Variants in DCDC2 observed in about 807,000 individuals in gnomAD.
DCDC2 encodes the protein doublecortin domain-containing protein 2.
In DCDC2, 40 loss-of-function variants were observed where a neutral mutation model predicts 50.2. The observed-to-expected ratio is 0.80, with a 90% CI of 0.62 to 1.04. The LOEUF (loss-of-function observed/expected upper bound fraction) is 1.04. DCDC2 is among the 50% of genes least tolerant of loss of function. The pLI is 0.00. For missense variants in DCDC2, 570 were observed against 581.9 expected (o/e 0.98, Z 0.21); for synonymous variants, 234 against 210.6 (o/e 1.11, Z -0.96).
chr6:24,234,281 T>A (rs530289227), intron 7 of DCDC2, among the ~76,000 whole-genome samples: 1 of 150,430 alleles, frequency 6.6e-6, no homozygotes, highest in African/African-American at 2.4e-5. Flanking sequence ...AGCCATTGAA[T>A]GTAGTGAGCG....
At chr6:24,346,262 G>A (rs1475878612) in intron 2 of DCDC2, among the ~76,000 whole-genome samples, 2 of 152,066 alleles carry the variant, frequency 1.3e-5, no homozygotes, top group African/African-American at 4.8e-5. Flanking sequence ...GAAATGTGGA[G>A]TAGGGGTAGT....
chr6:24,202,554 T>G (rs150549614), intron 8 of DCDC2, among the ~76,000 whole-genome samples: 23,244 of 152,174 alleles, frequency 0.15, 1,948 homozygotes, highest in Middle Eastern at 0.2. Context: ...CTGGAAGCAT[T>G]CCCTTTGAAA....
rs1004856774 is a variant in DCDC2, at chr6:24,258,275, CG to C, written c.922+19773del. 8.7e-4 allele frequency among the ~76,000 whole-genome samples: 133 copies of C among 152,156 alleles called. 1 individual carries two copies. Among genetic ancestry groups the C allele is most frequent in the African/African-American group, 3.1e-3 (130 of 41,552 alleles). ...GTGGGTTGCTGCTGCTGGCTGGGGG[CG>C]GGGGGTGGCCAGCTTTTATTCCCTT... On this transcript the variant is annotated intron_variant, in intron 7 of 9. Coordinates refer to ENST00000378454, the MANE Select transcript of DCDC2 (RefSeq NM_016356.5).
At chr6:24,342,177 C>T (rs954056910) in intron 2 of DCDC2, among the ~76,000 whole-genome samples, 1 of 152,176 alleles carries the variant, frequency 6.6e-6, no homozygotes, top group African/African-American at 2.4e-5. Flanking sequence ...ACTGAAACAT[C>T]TCTTTAGGTG....
chr6:24,225,448 T>C (rs56794891), intron 7 of DCDC2, among the ~76,000 whole-genome samples: 11,228 of 152,076 alleles, frequency 0.074, 698 homozygotes, highest in African/African-American at 0.18. Context: ...TATCTGCATA[T>C]ACATACTGAA....
chr6:24,370,082 A>T, the DCDC2 span, among the ~76,000 whole-genome samples: 2 of 152,180 alleles, frequency 1.3e-5, no homozygotes, highest in African/African-American at 4.8e-5. Flanking sequence ...ATTAATCACA[A>T]TAAATAAATG....
chr6:24,319,386 A>G (rs1759732134), intron 2 of DCDC2, among the ~76,000 whole-genome samples: 1 of 151,820 alleles, frequency 6.6e-6, no homozygotes, highest in South Asian at 2.1e-4. Context: ...CCCATTCTGC[A>G]GGGTGTCTGT....
chr6:24,291,510 G>C (rs1383541500), intron 4 of DCDC2, among the ~76,000 whole-genome samples: 2 of 126,720 alleles, frequency 1.6e-5, no homozygotes, highest in Non-Finnish European at 3.1e-5. Flanking sequence ...TTTTGAGACG[G>C]AGTCTCGCTC....
intron 8 of DCDC2, among the ~76,000 whole-genome samples, chr6:24,203,937 G>A (rs143147972): frequency 8.9e-4 from 135 of 152,252 alleles, no homozygotes; most frequent in African/African-American, 1.6e-3. Flanking sequence ...ACTACAATGC[G>A]ATACCATCTC....
At chr6:24,204,931 G>T in intron 8 of DCDC2, 71 bp downstream of exon 8, 1 of 1,398,484 alleles carries the variant, frequency 7.2e-7, no homozygotes. Context: ...CAATTTGTAG[G>T]AGATAACACA....
chr6:24,346,753 C>CAAA (rs11385934), intron 2 of DCDC2, among the ~76,000 whole-genome samples: 3 of 119,180 alleles, frequency 2.5e-5, no homozygotes, highest in Non-Finnish European at 3.7e-5. Flanking sequence ...GACTCCATCT[C>CAAA]AAAAAAAAAA....
chr6:24,261,727 C>G (rs562366732), intron 7 of DCDC2, among the ~76,000 whole-genome samples: 2 of 152,270 alleles, frequency 1.3e-5, no homozygotes, highest in East Asian at 3.9e-4. Context: ...AAATGAATTA[C>G]TTGCACCCAA....
intron 7 of DCDC2, among the ~76,000 whole-genome samples, chr6:24,267,586 G>C (rs141336748): frequency 4.8e-4 from 73 of 152,288 alleles, no homozygotes; most frequent in South Asian, 1.2e-3. Flanking sequence ...GAAATTACTG[G>C]AGGATATGTC....
At chr6:24,273,030 A>T (rs1763272524) in intron 7 of DCDC2, among the ~76,000 whole-genome samples, 1 of 148,922 alleles carries the variant, frequency 6.7e-6, no homozygotes, top group African/African-American at 2.5e-5. Flanking sequence ...ACACACACAC[A>T]CACTTTGTGG....
At chr6:24,320,139 T>A (rs1192674125) in intron 2 of DCDC2, among the ~76,000 whole-genome samples, 1 of 152,164 alleles carries the variant, frequency 6.6e-6, no homozygotes. Context: ...CAATTCTAAA[T>A]CTATTTTGAA....
In DCDC2 at chr6:24,290,976, G is replaced by A. The variant is rs748783386; in HGVS notation, c.660C>T (p.Tyr220=). The change falls in exon 5 of 10, where the codon TAC becomes TAT. Residue 220 remains tyrosine, a synonymous_variant. Transcript: ENST00000378454. ...VGRDKFKKLP[Y]SELLFDKSTM... is the part of the protein sequence containing the mutation. The stretch of plus-strand genomic sequence containing the variant: ...TTGACTTGTCAAAAAGTAACTCACT[G>A]TAAGGCAGTTTCTTAAACTTATCTC... The A allele has an allele frequency of 1.1e-5, 17 of 1,613,782 alleles. No individual in the cohort carries two copies. Among genetic ancestry groups the A allele is most frequent in the East Asian group, 8.9e-5 (4 of 44,860 alleles).
chr6:24,225,702 TCACA>T (rs542318921), intron 7 of DCDC2, among the ~76,000 whole-genome samples: 47 of 151,908 alleles, frequency 3.1e-4, no homozygotes, highest in African/African-American at 1.1e-3. Flanking sequence ...TAGAAAGTTT[TCACA>T]CACACACAGA....
At chr6:24,213,419 A>G (rs1171446953) in intron 7 of DCDC2, among the ~76,000 whole-genome samples, 2 of 152,170 alleles carry the variant, frequency 1.3e-5, no homozygotes, top group Non-Finnish European at 2.9e-5. Flanking sequence ...GTGGGGAACA[A>G]GGAGTTTATG....
At chr6:24,338,627 T>G (rs1760099892) in intron 2 of DCDC2, among the ~76,000 whole-genome samples, 2 of 152,168 alleles carry the variant, frequency 1.3e-5, no homozygotes, top group Admixed American at 1.3e-4. Flanking sequence ...TGAAATCCCT[T>G]CAATAGCTTT....
Sources: allele counts gnomAD v4.1 joint callset (sites outside exome capture counted in the v4.1 genomes callset), GRCh38; gene constraint gnomAD v4.1.1; transcripts MANE v1.5; gene names NCBI Gene and HGNC (gene_info 2026-07-23, HGNC 2026-07-21).